The following SLIT2 variants were observed in gnomAD, a reference collection of about 807,000 sequenced individuals.
SLIT2 encodes slit guidance ligand 2, also known as slit homolog 2 protein.
In SLIT2, 41 loss-of-function variants were observed where a neutral mutation model predicts 185.7. The observed-to-expected ratio is 0.22, with a 90% CI of 0.17 to 0.29. The LOEUF (loss-of-function observed/expected upper bound fraction) is 0.29, where lower values mean the gene tolerates loss of function less well. SLIT2 is among the 10% of genes least tolerant of loss of function. The pLI is 1.00. For missense variants in SLIT2, 1,571 were observed against 1,909.0 expected (o/e 0.82, Z 3.30); for synonymous variants, 693 against 680.2 (o/e 1.02, Z -0.29).
chr4:20,569,091 CT>C (rs997548602), intron 29 of SLIT2, 87 bp downstream of exon 29: 1 of 1,150,862 alleles, frequency 8.7e-7, no homozygotes, highest in Non-Finnish European at 1.3e-6. Context: ...TTTAGTAAAT[CT>C]TTTTTTATTT....
intron 4 of SLIT2, among the ~76,000 whole-genome samples, chr4:20,391,444 A>G (rs141678206): frequency 3.9e-5 from 6 of 152,198 alleles, no homozygotes; most frequent in African/African-American, 1.4e-4. Context: ...GAAAGATCAT[A>G]TTTGGCATAG....
intron 33 of SLIT2, among the ~76,000 whole-genome samples, chr4:20,608,641 TCTG>T (rs1560236688): frequency 6.6e-6 from 1 of 152,146 alleles, no homozygotes; most frequent in Non-Finnish European, 1.5e-5. Context: ...TTTTCACAAT[TCTG>T]CAGAGTGATT....
chr4:20,607,652 A>G (rs1728891778), intron 33 of SLIT2, among the ~76,000 whole-genome samples: 1 of 152,190 alleles, frequency 6.6e-6, no homozygotes, highest in African/African-American at 2.4e-5. Context: ...AAGTGTGTTA[A>G]CTTAAACCAC....
chr4:20,521,718 A>T (rs1167275354), intron 12 of SLIT2, among the ~76,000 whole-genome samples: 1 of 152,178 alleles, frequency 6.6e-6, no homozygotes, highest in Non-Finnish European at 1.5e-5. Context: ...ATGAAGCTTC[A>T]GCTCCTGATG....
At chr4:20,315,602 C>T (rs913707861) in intron 4 of SLIT2, among the ~76,000 whole-genome samples, 1 of 151,942 alleles carries the variant, frequency 6.6e-6, no homozygotes, top group Non-Finnish European at 1.5e-5. Context: ...TTTCTTCTGT[C>T]TGATTTATTT....
At chr4:20,407,812 C>G (rs1039871294) in intron 4 of SLIT2, among the ~76,000 whole-genome samples, 2 of 152,072 alleles carry the variant, frequency 1.3e-5, no homozygotes, top group Admixed American at 6.6e-5. Flanking sequence ...TTGGAAAGTT[C>G]AAGCCCCTAA....
chr4:20,560,506 A>G (rs1724609215), intron 26 of SLIT2, among the ~76,000 whole-genome samples: 1 of 151,832 alleles, frequency 6.6e-6, no homozygotes, highest in Admixed American at 6.6e-5. Context: ...TATAACCCAA[A>G]TGTCCTGACC....
At chr4:20,339,090 C>CAAAAAAAAAAAAAAAAAAAAAAAAAAAA (rs398051113) in intron 4 of SLIT2, among the ~76,000 whole-genome samples, 1 of 70,750 alleles carries the variant, frequency 1.4e-5, no homozygotes. Flanking sequence ...GAGACACTCT[C>CAAAAAAAAAAAAAAAAAAAAAAAAAAAA]AAAAAAAAAA....
At chr4:20,369,896 T>G (rs1198960366) in intron 4 of SLIT2, among the ~76,000 whole-genome samples, 2 of 152,138 alleles carry the variant, frequency 1.3e-5, no homozygotes, top group African/African-American at 4.8e-5. Flanking sequence ...AAGCTACCTT[T>G]CTCCCTTGCA....
intron 9 of SLIT2, among the ~76,000 whole-genome samples, chr4:20,498,964 T>A (rs143720547): frequency 6.6e-6 from 1 of 152,280 alleles, no homozygotes; most frequent in Non-Finnish European, 1.5e-5. Context: ...AATAGTTTTA[T>A]TTTTTGTTCT....
At position 20,549,095 on chromosome 4, in the gene SLIT2, G is replaced by T. The variant is rs139280468; in HGVS notation, c.2456G>T (p.Arg819Leu). The stretch of plus-strand genomic sequence containing the variant: ...AACCGTCTGAGATGTATTCCTCCTC[G>T]CACCTTTGATGGATTAAAGTCTCTT... ...SYNRLRCIPP[R>L]TFDGLKSLRL... The change falls in exon 24 of 37, where the codon CGC becomes CTC. Residue 819 changes from arginine (R) to leucine (L), a missense_variant. Transcript: ENST00000504154. The T allele has an allele frequency of 2.5e-6, 4 of 1,598,872 alleles. No homozygotes were observed. Among genetic ancestry groups the T allele is most frequent in the East Asian group, 4.5e-5 (2 of 44,744 alleles).
intron 26 of SLIT2, among the ~76,000 whole-genome samples, chr4:20,558,461 T>G (rs1421106017): frequency 6.6e-6 from 1 of 152,076 alleles, no homozygotes; most frequent in Non-Finnish European, 1.5e-5. Flanking sequence ...TATTTTATAA[T>G]TAAGGTATTG....
intron 18 of SLIT2, among the ~76,000 whole-genome samples, chr4:20,537,950 A>T (rs1220312847): frequency 6.6e-6 from 1 of 151,848 alleles, no homozygotes; most frequent in Non-Finnish European, 1.5e-5. Context: ...CTCTTTTTTA[A>T]AATTTTTATC....
intron 5 of SLIT2, among the ~76,000 whole-genome samples, chr4:20,469,763 T>C (rs1714763551): frequency 6.9e-6 from 1 of 144,066 alleles, no homozygotes; most frequent in South Asian, 2.3e-4. Flanking sequence ...TTTTTTTTTT[T>C]TTTTTTTTTT....
intron 6 of SLIT2, among the ~76,000 whole-genome samples, chr4:20,481,142 C>A (rs1446538823): frequency 6.6e-6 from 1 of 151,648 alleles, no homozygotes; most frequent in South Asian, 2.1e-4. Context: ...AATAATTTGT[C>A]GTTGTTAGGC....
intron 4 of SLIT2, among the ~76,000 whole-genome samples, chr4:20,386,819 G>GT (rs1724971089): frequency 1.3e-5 from 2 of 152,324 alleles, no homozygotes; most frequent in Admixed American, 1.3e-4. Flanking sequence ...TATGCAGATG[G>GT]TTTTTGTTCT....
At chr4:20,563,641 A>G (rs1724869265) in intron 26 of SLIT2, among the ~76,000 whole-genome samples, 1 of 151,828 alleles carries the variant, frequency 6.6e-6, no homozygotes, top group African/African-American at 2.4e-5. Context: ...CCTAGCATAT[A>G]TAGAAGGCTC....
chr4:20,383,709 C>CT (rs1294764222), intron 4 of SLIT2, among the ~76,000 whole-genome samples: 3 of 151,084 alleles, frequency 2.0e-5, no homozygotes, highest in Admixed American at 6.6e-5. Context: ...TGTTACTATT[C>CT]TTTTTTTTTA....
chr4:20,450,621 A>G (rs1241821813), intron 4 of SLIT2, among the ~76,000 whole-genome samples: 2 of 152,230 alleles, frequency 1.3e-5, no homozygotes, highest in Non-Finnish European at 2.9e-5. Context: ...GAAAACTTCA[A>G]TCCAACTGGG....
Sources: gnomAD v4.1 joint callset for allele counts (sites outside exome capture counted in the v4.1 genomes callset) on GRCh38, gnomAD v4.1.1 for gene constraint, MANE v1.5 for transcripts, NCBI Gene and HGNC (gene_info 2026-07-23, HGNC 2026-07-21) for gene names.